Variants in PARM1 observed in about 807,000 individuals in gnomAD.
PARM1 encodes WSC4, cell wall integrity and stress response component 4 homolog.
Under a neutral mutation model 24.6 loss-of-function variants are expected in PARM1, and 14 were observed. The observed-to-expected ratio is 0.57, with a 90% confidence interval of 0.38 to 0.89. The LOEUF (loss-of-function observed/expected upper bound fraction) is 0.89, where lower values mean the gene tolerates loss of function less well. PARM1 is among the 40% of genes least tolerant of loss of function. The probability of loss-of-function intolerance (pLI) is 0.00; values close to 1 mark genes in which losing one functional copy is unlikely to be tolerated. For missense variants in PARM1, 362 were observed against 380.4 expected (o/e 0.95, Z 0.40); for synonymous variants, 179 against 156.6 (o/e 1.14, Z -1.07).
intron 1 of PARM1, among the ~76,000 whole-genome samples, chr4:74,985,960 G>C (rs1456491317): frequency 6.6e-6 from 1 of 152,068 alleles, no homozygotes; most frequent in Non-Finnish European, 1.5e-5. Context: ...GTAGAGACGA[G>C]GTTTCACTAT....
At chr4:74,971,967 TA>T (rs760633876) in intron 1 of PARM1, among the ~76,000 whole-genome samples, 2 of 152,226 alleles carry the variant, frequency 1.3e-5, no homozygotes, top group Non-Finnish European at 2.9e-5. Flanking sequence ...ACAAGCATAA[TA>T]ATTTTCTGTG....
chr4:75,008,930 T>C (rs1722819919), intron 1 of PARM1, among the ~76,000 whole-genome samples: 1 of 152,186 alleles, frequency 6.6e-6, no homozygotes, highest in African/African-American at 2.4e-5. Flanking sequence ...GTCATTTTTT[T>C]TTTTTTGCCC....
Position 74,972,571 on chromosome 4 carries a change from T to C in PARM1, c.43+39201T>C, listed in dbSNP as rs6813442. 8.7e-3 allele frequency among the ~76,000 whole-genome samples: 1,323 copies of C among 152,352 alleles called. 10 individuals are homozygous for C. The highest frequency in any genetic ancestry group is 0.02 in the Middle Eastern group (6 of 294). On this transcript the variant is annotated intron_variant, in intron 1 of 3. Coordinates refer to ENST00000307428, the MANE Select transcript of PARM1 (RefSeq NM_015393.4). ...TTAGTGCAGTTCTTCGGTAGTAGTATATGAGTTTTGACATTCTGCTGTAAA... is the reference window on the plus strand; with the variant it reads ...TTAGTGCAGTTCTTCGGTAGTAGTACATGAGTTTTGACATTCTGCTGTAAA...
intron 1 of PARM1, among the ~76,000 whole-genome samples, chr4:74,941,216 G>C (rs563719103): frequency 1.3e-5 from 2 of 152,296 alleles, no homozygotes; most frequent in Admixed American, 1.3e-4. Context: ...TTCAGGAGGA[G>C]AGCCCAGATA....
intron 1 of PARM1, among the ~76,000 whole-genome samples, chr4:74,997,321 A>G (rs1722592744): frequency 6.6e-6 from 1 of 152,188 alleles, no homozygotes; most frequent in African/African-American, 2.4e-5. Context: ...ATTTGGCTGG[A>G]CAGAAAAAGT....
intron 1 of PARM1, among the ~76,000 whole-genome samples, chr4:74,988,802 A>AT (rs1261207453): frequency 6.6e-6 from 1 of 152,204 alleles, no homozygotes; most frequent in African/African-American, 2.4e-5. Flanking sequence ...CAATTCATAG[A>AT]TTTAAACAGG....
At position 75,001,119 on chromosome 4, in the gene PARM1, C is replaced by A. The variant is rs556310598; in HGVS notation, c.44-11306C>A. On this transcript the variant is annotated intron_variant, in intron 1 of 3. Coordinates refer to ENST00000307428, the MANE Select transcript of PARM1 (RefSeq NM_015393.4). The stretch of plus-strand genomic sequence containing the variant: ...TGTAAAGATTAGGTGACTTATTACA[C>A]ATAAAATACCCAGAATATGGCATGT... Among the ~76,000 whole-genome samples, 3 of 152,244 alleles carry A rather than the reference C, an allele frequency of 2.0e-5. No individual in the cohort carries two copies. The South Asian group carries it at 6.2e-4, about 32-fold the overall frequency.
intron 3 of PARM1, among the ~76,000 whole-genome samples, chr4:75,040,441 GA>G (rs749437643): frequency 1.6e-4 from 24 of 149,936 alleles, no homozygotes; most frequent in African/African-American, 4.4e-4. Flanking sequence ...CCAGAGTCTG[GA>G]AAAAAAAAGG....
rs958932898 is a variant in PARM1, at chr4:75,049,857, C to CTTTTTTTTTTTTTTTTTTTTT, written c.*3618_*3619insTTTTTTTTTTTTTTTTTTTTT. 2 of 138,688 alleles carry CTTTTTTTTTTTTTTTTTTTTT rather than the reference C, an allele frequency of 1.4e-5. No individual in the cohort carries two copies. The highest frequency in any genetic ancestry group is 1.5e-5 in the Non-Finnish European group (1 of 65,992). 8.6% of individuals were successfully genotyped at this position (138,688 alleles called of 1,614,324 possible). On this transcript the variant is annotated 3_prime_UTR_variant, in exon 4 of 4. Coordinates refer to ENST00000307428, the MANE Select transcript of PARM1 (RefSeq NM_015393.4). ...TGATTCACCTTCTTTGCCTTTAAGC[C>CTTTTTTTTTTTTTTTTTTTTT]TTTTTTTTCTTTTTTTTTTTTTTGG...
At chr4:75,012,401 A>G (rs1722886022) in intron 1 of PARM1, 24 bp from the exon 2 acceptor site, 2 of 1,601,728 alleles carry the variant, frequency 1.2e-6, no homozygotes, top group Non-Finnish European at 1.7e-6. Flanking sequence ...CATATTAACC[A>G]CTTTTGTACT....
At chr4:74,973,419 A>T (rs1722078316) in intron 1 of PARM1, among the ~76,000 whole-genome samples, 1 of 152,110 alleles carries the variant, frequency 6.6e-6, no homozygotes, top group African/African-American at 2.4e-5. Flanking sequence ...CCCCATAAAG[A>T]TCTCAGCAAC....
intron 1 of PARM1, among the ~76,000 whole-genome samples, chr4:74,976,491 TC>T (rs1383797519): frequency 6.6e-6 from 1 of 152,192 alleles, no homozygotes; most frequent in Non-Finnish European, 1.5e-5. Flanking sequence ...GGCCACAGTT[TC>T]CACAGTTTAG....
intron 1 of PARM1, among the ~76,000 whole-genome samples, chr4:74,937,127 T>G (rs1196522993): frequency 6.6e-6 from 1 of 152,202 alleles, no homozygotes; most frequent in Non-Finnish European, 1.5e-5. Context: ...GTCCTTATCC[T>G]TGAAGGAAGA....
chr4:74,990,173 G>C (rs887818753), intron 1 of PARM1, among the ~76,000 whole-genome samples: 30 of 152,106 alleles, frequency 2.0e-4, no homozygotes, highest in African/African-American at 7.0e-4. Context: ...AGGATCACAG[G>C]GGAAGGATCA....
intron 1 of PARM1, among the ~76,000 whole-genome samples, chr4:74,982,441 C>T (rs960502832): frequency 1.3e-5 from 2 of 151,924 alleles, no homozygotes; most frequent in African/African-American, 2.4e-5. Flanking sequence ...TGCACATGTA[C>T]CCCAGAACTT....
At chr4:74,967,263 T>C (rs1428383613) in intron 1 of PARM1, 1 of 152,254 alleles carries the variant, frequency 6.6e-6, no homozygotes, top group African/African-American at 2.4e-5. Context: ...TGTACGGTTT[T>C]ATTTGTTTGT....
chr4:75,016,151 A>G (rs1448234261), intron 2 of PARM1, among the ~76,000 whole-genome samples: 2 of 152,158 alleles, frequency 1.3e-5, no homozygotes, highest in East Asian at 3.9e-4. Flanking sequence ...CATGATGGAG[A>G]GAGCAGGGAG....
chr4:74,979,147 C>CA lies in PARM1; in HGVS notation c.44-33269dup, dbSNP rs566542080. Among the ~76,000 whole-genome samples the CA allele has an allele frequency of 2.4e-3, 349 of 148,426 alleles. 1 individual carries two copies. The highest frequency in any genetic ancestry group is 4.4e-3 in the African/African-American group (178 of 40,140). ...GGAGATAGAGACGCACACACACACA[C>CA]AAAAAAAAACCTTCGAAAAAATCAA... On this transcript the variant is annotated intron_variant, in intron 1 of 3. Coordinates refer to ENST00000307428, the MANE Select transcript of PARM1 (RefSeq NM_015393.4).
At chr4:75,016,490 T>C (rs1258894533) in intron 2 of PARM1, among the ~76,000 whole-genome samples, 1 of 152,076 alleles carries the variant, frequency 6.6e-6, no homozygotes, top group Non-Finnish European at 1.5e-5. Context: ...AGGTTTGGGG[T>C]ACAACTGATC....
Sources: gnomAD v4.1 joint callset for allele counts (sites outside exome capture counted in the v4.1 genomes callset) on GRCh38, gnomAD v4.1.1 for gene constraint, MANE v1.5 for transcripts, NCBI Gene and HGNC (gene_info 2026-07-23, HGNC 2026-07-21) for gene names.